KLB: variants seen among roughly 807,000 people sequenced by gnomAD.
The protein encoded by KLB is klotho beta.
Under a neutral mutation model 88.4 loss-of-function variants are expected in KLB, and 44 were observed. That is an observed-to-expected ratio of 0.50 (90% CI 0.39 to 0.64). KLB has a LOEUF of 0.64. Ranked by LOEUF, KLB falls within the 30% of genes least tolerant of loss-of-function variation. The pLI is 0.00. For synonymous variants in KLB, 548 were observed against 513.4 expected, an observed-to-expected ratio of 1.07 and a Z score of -0.91; for missense variants, 1,137 against 1,304.8, an observed-to-expected ratio of 0.87 and a Z score of 1.98.
intron 1 of KLB, among the ~76,000 whole-genome samples, chr4:39,425,362 G>T (rs752771639): frequency 6.6e-6 from 1 of 152,246 alleles, no homozygotes; most frequent in Non-Finnish European, 1.5e-5. Flanking sequence ...AAATATGCTA[G>T]AGTTTAGTTT....
chr4:39,447,484 G>T lies in KLB; in HGVS notation c.2749+9G>T, dbSNP rs755288898. On this transcript the variant is annotated intron_variant, in intron 4 of 4. Transcript: ENST00000257408. The stretch of plus-strand genomic sequence containing the variant: ...TCAGGAGGTGCTGAAAGGTAAGGGC[G>T]GGGCCCCTTCAGACACAGGGCAGAG... 2 of 1,549,074 alleles carry T rather than the reference G, an allele frequency of 1.3e-6. No individual in the cohort carries two copies. Among genetic ancestry groups the T allele is most frequent in the Non-Finnish European group, 1.7e-6 (2 of 1,148,256 alleles).
intron 3 of KLB, 70 bp downstream of exon 3, chr4:39,438,065 C>T: frequency 2.1e-6 from 3 of 1,404,238 alleles, no homozygotes; most frequent in South Asian, 2.7e-5. Flanking sequence ...TACTCAATGA[C>T]AGCTAAGAGA....
At chr4:39,417,563 G>A (rs1353371375) in intron 1 of KLB, among the ~76,000 whole-genome samples, 1 of 151,920 alleles carries the variant, frequency 6.6e-6, no homozygotes, top group African/African-American at 2.4e-5. Flanking sequence ...CCAAAATGCT[G>A]GGATTACAGG....
At chr4:39,439,915 A>G (rs1027403424) in intron 3 of KLB, among the ~76,000 whole-genome samples, 4 of 150,684 alleles carry the variant, frequency 2.7e-5, no homozygotes, top group African/African-American at 7.3e-5. Context: ...TTATCCACCC[A>G]CCCCGGCCTC....
Position 39,407,057 on chromosome 4 carries a change from A to C in KLB, c.108A>C (p.Gln36His), listed in dbSNP as rs1367201904. 6.2e-7 allele frequency: 1 copy of C among 1,614,090 alleles called. No individual in the cohort carries two copies. Among genetic ancestry groups the C allele is most frequent in the Non-Finnish European group, 8.5e-7 (1 of 1,179,938 alleles). ...YRNTMSNGGLQRSVILSALIL... is the reference protein window; with the variant it reads ...YRNTMSNGGLHRSVILSALIL... ...ATACAATGTCCAACGGGGGATTGCAAAGATCTGTCATCCTGTCAGCACTTA... is the reference window on the plus strand; with the variant it reads ...ATACAATGTCCAACGGGGGATTGCACAGATCTGTCATCCTGTCAGCACTTA... The change falls in exon 1 of 5, where the codon CAA becomes CAC. Residue 36 changes from glutamine (Q) to histidine (H), a missense_variant. Gln to His is a conservative substitution (Grantham distance 24). Coordinates refer to ENST00000257408, the MANE Select transcript of KLB (RefSeq NM_175737.4).
rs894632966 is a variant in KLB, at chr4:39,448,506, C to A, written c.2955C>A (p.Cys985Ter). Reference sequence around the variant, plus strand: ...GTCAGACCCAAGAAAATACAGAGTGCACTGTCTGCTTATTCCTTGTGCAGA... The same window carrying A: ...GTCAGACCCAAGAAAATACAGAGTGAACTGTCTGCTTATTCCTTGTGCAGA... ...RCSQTQENTE[C>*]TVCLFLVQKK... Residue 985 changes from cysteine (C) to a stop codon, truncating the protein, a stop_gained, in exon 5 of 5, where the codon TGC becomes TGA. Coordinates refer to ENST00000257408, the MANE Select transcript of KLB (RefSeq NM_175737.4). LOFTEE classifies it high-confidence loss of function. The A allele has an allele frequency of 6.2e-7, 1 of 1,614,150 alleles. No homozygotes were observed. The highest frequency in any genetic ancestry group is 1.3e-5 in the African/African-American group (1 of 75,066).
At position 39,407,008 on chromosome 4, in the gene KLB, A is replaced by G. The variant is rs773653063; in HGVS notation, c.59A>G (p.Asp20Gly). 33 of 1,614,052 alleles carry G rather than the reference A, an allele frequency of 2.0e-5. No homozygotes were observed. Among genetic ancestry groups the G allele is most frequent in the Admixed American group, 3.3e-5 (2 of 59,992 alleles). The change falls in exon 1 of 5, where the codon GAT (aspartate) becomes GGT (glycine). Residue 20 changes from aspartate to glycine, a missense_variant. Asp to Gly is a moderately conservative substitution (Grantham distance 94, BLOSUM62 -1). This residue lies in a region of KLB where 111 missense variants were observed against 118.3 expected (regional missense o/e 0.94). Transcript: ENST00000257408. ...PGNEWIFFSTDEITTRYRNTM... is the reference protein window; with the variant it reads ...PGNEWIFFSTGEITTRYRNTM... The stretch of plus-strand genomic sequence containing the variant: ...AATGAATGGATTTTCTTCAGCACTG[A>G]TGAAATAACCACACGCTATAGGAAT...
chr4:39,407,849 ATTCTC>A (rs2109815570), intron 1 of KLB, 75 bp downstream of exon 1: 1 of 871,602 alleles, frequency 1.1e-6, no homozygotes, highest in African/African-American at 1.6e-5. Flanking sequence ...TGCCTCAGTA[ATTCTC>A]TTCACTGAAA....
intron 1 of KLB, among the ~76,000 whole-genome samples, chr4:39,409,530 C>G (rs1742795548): frequency 6.6e-6 from 1 of 150,544 alleles, no homozygotes; most frequent in African/African-American, 2.4e-5. Context: ...ACCTCATGAT[C>G]CACCTGCCTC....
intron 1 of KLB, among the ~76,000 whole-genome samples, chr4:39,432,064 A>C (rs1189584158): frequency 6.6e-6 from 1 of 152,200 alleles, no homozygotes; most frequent in Non-Finnish European, 1.5e-5. Flanking sequence ...AGGTGTGTGG[A>C]TCACCTGAGG....
chr4:39,419,071 T>C (rs1256515886), intron 1 of KLB, among the ~76,000 whole-genome samples: 1 of 152,078 alleles, frequency 6.6e-6, no homozygotes, highest in Non-Finnish European at 1.5e-5. Flanking sequence ...CAAAGAGAAT[T>C]TCTATAACCA....
intron 1 of KLB, among the ~76,000 whole-genome samples, chr4:39,433,498 A>C (rs1248707085): frequency 1.3e-5 from 2 of 152,206 alleles, no homozygotes; most frequent in Non-Finnish European, 2.9e-5. Flanking sequence ...CATTTATAGG[A>C]TTCAGGGCCT....
In KLB at chr4:39,446,922, C is replaced by A. The variant is rs7685429; in HGVS notation, c.2196C>A (p.Pro732=). Residue 732 remains proline (P), a synonymous_variant, in exon 4 of 5, where the codon CCC becomes CCA. Transcript: ENST00000257408. The surrounding 1 kb of genome is among the most constrained non-coding windows in gnomAD (Gnocchi z 6.4). ...AWRLYDRQFR[P]SQRGAVSLSL... is the part of the protein sequence containing the mutation. ...GCCTCTACGACCGGCAGTTCAGGCCCTCACAGCGCGGGGCCGTGTCGCTGT... is the reference window on the plus strand; with the variant it reads ...GCCTCTACGACCGGCAGTTCAGGCCATCACAGCGCGGGGCCGTGTCGCTGT... 5 of 1,604,302 alleles carry A rather than the reference C, an allele frequency of 3.1e-6. No homozygotes were observed. In the South Asian group the frequency reaches 5.5e-5, roughly 18 times the overall value.
In KLB at chr4:39,448,848, T is replaced by C. The variant is rs1343237788; in HGVS notation, c.*162T>C. ...CTGTGTGGTTCAAAGAACATTCCCT[T>C]AGGTGTTGACATCAGTGAACTCAGT... On this transcript the variant is annotated 3_prime_UTR_variant, in exon 5 of 5. Coordinates refer to ENST00000257408, the MANE Select transcript of KLB (RefSeq NM_175737.4). 1.5e-6 allele frequency: 1 copy of C among 670,254 alleles called. No homozygotes were observed. The highest frequency in any genetic ancestry group is 2.5e-6 in the Non-Finnish European group (1 of 403,462). The allele number at this position is 670,254 out of a possible 1,614,324, so 41.5% of individuals were successfully genotyped here. A position where few individuals can be genotyped will look rare whatever the true frequency, so the allele number is the denominator to read the frequency against.
intron 3 of KLB, among the ~76,000 whole-genome samples, chr4:39,442,275 A>G (rs887822299): frequency 2.0e-5 from 3 of 152,000 alleles, no homozygotes; most frequent in South Asian, 2.1e-4. Flanking sequence ...CTAACTTTGC[A>G]CATTTCTATC....
Position 39,446,546 on chromosome 4 carries a change from T to C in KLB, c.1820T>C (p.Leu607Pro). The change falls in exon 4 of 5, where the codon CTT becomes CCT. Residue 607 changes from leucine to proline, a missense_variant. By Grantham distance (98) the Leu-to-Pro change is moderately conservative. Transcript: ENST00000257408. The surrounding 1 kb of genome is among the most constrained non-coding windows in gnomAD (Gnocchi z 6.4). ...TTTGCTCTGGATTGGGCCTCGGTCC[T>C]TCCCACTGGCAACCTGTCCGCGGTG... Reference protein sequence around the residue: ...YRFALDWASVLPTGNLSAVNR... With the variant: ...YRFALDWASVPPTGNLSAVNR... The C allele has an allele frequency of 1.2e-6, 2 of 1,614,234 alleles. No homozygotes were observed. Among genetic ancestry groups the C allele is most frequent in the Non-Finnish European group, 1.7e-6 (2 of 1,180,030 alleles).
Position 39,407,031 on chromosome 4 carries a change from A to G in KLB, c.82A>G (p.Asn28Asp), listed in dbSNP as rs1193530004. The G allele has an allele frequency of 1.9e-6, 3 of 1,614,124 alleles. No individual in the cohort carries two copies. Among genetic ancestry groups the G allele is most frequent in the Admixed American group, 3.3e-5 (2 of 60,018 alleles). Reference sequence around the variant, plus strand: ...TGATGAAATAACCACACGCTATAGGAATACAATGTCCAACGGGGGATTGCA... The same window carrying G: ...TGATGAAATAACCACACGCTATAGGGATACAATGTCCAACGGGGGATTGCA... ...STDEITTRYR[N>D]TMSNGGLQRS... The change falls in exon 1 of 5, where the codon AAT becomes GAT. Residue 28 changes from asparagine (N) to aspartate (D), a missense_variant. Physicochemically the swap from Asn to Asp is conservative, Grantham distance 23. This residue lies in a region of KLB where 111 missense variants were observed against 118.3 expected (regional missense o/e 0.94). Transcript: ENST00000257408.
rs909314003 is a variant in KLB at position 39,449,497 on chromosome 4, G to C, written c.*811G>C. The C allele has an allele frequency of 6.6e-6, 1 of 151,754 alleles. No homozygotes were observed. The highest frequency in any genetic ancestry group is 2.4e-5 in the African/African-American group (1 of 41,220). 9.4% of individuals were successfully genotyped at this position (151,754 alleles called of 1,614,324 possible). ...CTAAAATGGAAAGAAAACACAATAG[G>C]GTAAGTAGTGCTTGTCTAAGCCAGT... On this transcript the variant is annotated 3_prime_UTR_variant, in exon 5 of 5. Coordinates refer to ENST00000257408, the MANE Select transcript of KLB (RefSeq NM_175737.4).
At chr4:39,443,042 C>A (rs1743649373) in intron 3 of KLB, among the ~76,000 whole-genome samples, 1 of 152,052 alleles carries the variant, frequency 6.6e-6, no homozygotes, top group South Asian at 2.1e-4. Context: ...TTGAAGAGTC[C>A]AGGCCAACTG....
Sources: allele counts gnomAD v4.1 joint callset (sites outside exome capture counted in the v4.1 genomes callset), GRCh38; gene constraint gnomAD v4.1.1; regional missense constraint gnomAD v4.1.1; non-coding constraint Gnocchi (gnomAD v3.1); transcripts MANE v1.5; gene names NCBI Gene and HGNC (gene_info 2026-07-23, HGNC 2026-07-21).